Variants in RFX3 observed in about 807,000 individuals in gnomAD.
RFX3 encodes the protein regulatory factor X3.
A neutral mutation model predicts 98.6 loss-of-function variants in RFX3; 14 were observed. The ratio of observed to expected loss-of-function variants is 0.14; its 90% CI spans 0.09 to 0.22. The LOEUF (loss-of-function observed/expected upper bound fraction) is 0.22, where lower values mean the gene tolerates loss of function less well. Ranked by LOEUF, RFX3 falls within the 10% of genes least tolerant of loss-of-function variation. The probability of loss-of-function intolerance (pLI) is 1.00; values close to 1 mark genes in which losing one functional copy is unlikely to be tolerated. For missense variants in RFX3, 639 were observed against 926.9 expected (o/e 0.69, Z 4.03); for synonymous variants, 383 against 328.4 (o/e 1.17, Z -1.80).
chr9:3,432,227 A>C (rs1844718006), intron 1 of RFX3, among the ~76,000 whole-genome samples: 1 of 152,088 alleles, frequency 6.6e-6, no homozygotes, highest in Non-Finnish European at 1.5e-5. Context: ...TGCCCCAGTC[A>C]CCCAGAACCC....
intron 3 of RFX3, among the ~76,000 whole-genome samples, chr9:3,338,004 C>G (rs924287094): frequency 6.6e-6 from 1 of 152,092 alleles, no homozygotes; most frequent in South Asian, 2.1e-4. Flanking sequence ...AGTTTCAAAA[C>G]AGATATTCTC....
At chr9:3,249,690 G>C (rs930421707) in intron 14 of RFX3, among the ~76,000 whole-genome samples, 2 of 151,986 alleles carry the variant, frequency 1.3e-5, no homozygotes, top group African/African-American at 4.8e-5. Context: ...ATAAGCACGG[G>C]TTTGAAGTTA....
At chr9:3,489,452 T>C (rs977871750) in intron 1 of RFX3, 1 of 984,034 alleles carries the variant, frequency 1.0e-6, no homozygotes, top group Admixed American at 6.1e-5. Context: ...CTGCTGCATC[T>C]TCCTACATAA....
At chr9:3,320,954 T>TACA (rs1831227623) in intron 4 of RFX3, among the ~76,000 whole-genome samples, 1 of 151,140 alleles carries the variant, frequency 6.6e-6, no homozygotes, top group Non-Finnish European at 1.5e-5. Flanking sequence ...TAGGCTGGAG[T>TACA]ACAATGGCGT....
chr9:3,236,318 TCAAGGAAGTTGA>T (rs1482846610), intron 15 of RFX3, among the ~76,000 whole-genome samples: 1 of 152,172 alleles, frequency 6.6e-6, no homozygotes, highest in Non-Finnish European at 1.5e-5. Context: ...CTGAACGTTG[TCAAGGAAGTTGA>T]CAAGGAAGTC....
chr9:3,231,512 G>A (rs1299098849), intron 15 of RFX3, among the ~76,000 whole-genome samples: 1 of 152,168 alleles, frequency 6.6e-6, no homozygotes, highest in Non-Finnish European at 1.5e-5. Context: ...CAGGAGGTAA[G>A]TAGCAGACAT....
chr9:3,455,743 TTC>T (rs1847091886), intron 1 of RFX3, among the ~76,000 whole-genome samples: 1 of 152,228 alleles, frequency 6.6e-6, no homozygotes, highest in Non-Finnish European at 1.5e-5. Flanking sequence ...TAGGAAACCA[TTC>T]TGATTCTTCA....
chr9:3,457,816 A>G (rs960590914), intron 1 of RFX3, among the ~76,000 whole-genome samples: 4 of 152,046 alleles, frequency 2.6e-5, no homozygotes, highest in African/African-American at 9.7e-5. Flanking sequence ...CAATTCACCA[A>G]ACTAGAGTAA....
chr9:3,299,840 A>G (rs1206997481), intron 5 of RFX3, among the ~76,000 whole-genome samples: 4 of 151,782 alleles, frequency 2.6e-5, no homozygotes, highest in African/African-American at 9.7e-5. Context: ...TTATACTTCC[A>G]TTATTGTTCA....
At chr9:3,467,106 A>G (rs1253569744) in intron 1 of RFX3, among the ~76,000 whole-genome samples, 1 of 143,190 alleles carries the variant, frequency 7.0e-6, no homozygotes, top group African/African-American at 2.6e-5. Flanking sequence ...GTAAGTATAT[A>G]TGTATATACA....
intron 1 of RFX3, among the ~76,000 whole-genome samples, chr9:3,516,944 C>G (rs1818241936): frequency 6.6e-6 from 1 of 152,210 alleles, no homozygotes; most frequent in African/African-American, 2.4e-5. Flanking sequence ...CACTTGGCCA[C>G]CACTCTCTAC....
intron 15 of RFX3, among the ~76,000 whole-genome samples, chr9:3,243,376 A>G (rs1479359768): frequency 6.6e-6 from 1 of 151,334 alleles, no homozygotes; most frequent in Non-Finnish European, 1.5e-5. Flanking sequence ...ATAATTTACT[A>G]GGCAGTATTA....
intron 14 of RFX3, among the ~76,000 whole-genome samples, chr9:3,256,052 C>T (rs371229386): frequency 6.6e-6 from 1 of 151,984 alleles, no homozygotes; most frequent in Non-Finnish European, 1.5e-5. Flanking sequence ...CTGCAAGCTC[C>T]GCCTTCCGGG....
chr9:3,387,368 A>T (rs114549100), intron 2 of RFX3, among the ~76,000 whole-genome samples: 1,990 of 151,828 alleles, frequency 0.013, 48 homozygotes, highest in African/African-American at 0.046. Flanking sequence ...AACTCTGGAT[A>T]AAAAAAAATT....
intron 7 of RFX3, among the ~76,000 whole-genome samples, chr9:3,278,316 A>C (rs1296080576): frequency 6.6e-6 from 1 of 151,902 alleles, no homozygotes; most frequent in Non-Finnish European, 1.5e-5. Context: ...TTTTTCTCTG[A>C]TTCCACTTAT....
chr9:3,462,991 G>C (rs547082416), intron 1 of RFX3, among the ~76,000 whole-genome samples: 2 of 152,092 alleles, frequency 1.3e-5, no homozygotes, highest in Admixed American at 1.3e-4. Flanking sequence ...TAATTTTCTT[G>C]AAACAGATCT....
rs1825362567 is a variant in RFX3, at chr9:3,277,336, A to G, written c.973+4T>C. 3 of 1,612,184 alleles carry G rather than the reference A, an allele frequency of 1.9e-6. No individual in the cohort carries two copies. The highest frequency in any genetic ancestry group is 2.5e-6 in the Non-Finnish European group (3 of 1,178,718). On this transcript the variant is annotated splice_donor_region_variant and intron_variant, in intron 8 of 16. Coordinates refer to ENST00000617270, the MANE Select transcript of RFX3 (RefSeq NM_001282116.2). ...CAACTAATATGCATTACACCTTAAC[A>G]TACCTAAAAACTGTTGATGATGTTG...
At chr9:3,280,331 G>C (rs2131468305) in intron 7 of RFX3, among the ~76,000 whole-genome samples, 1 of 151,888 alleles carries the variant, frequency 6.6e-6, no homozygotes, top group South Asian at 2.1e-4. Flanking sequence ...GTATGAGAGA[G>C]CTTCCAGGTA....
At chr9:3,423,778 C>CATATATAT (rs61209874) in intron 1 of RFX3, among the ~76,000 whole-genome samples, 4,359 of 110,620 alleles carry the variant, frequency 0.039, 169 homozygotes, top group East Asian at 0.13. Context: ...TATATATTTT[C>CATATATAT]ATATATATAT....
Sources: gnomAD v4.1 joint callset for allele counts (sites outside exome capture counted in the v4.1 genomes callset) on GRCh38, gnomAD v4.1.1 for gene constraint, MANE v1.5 for transcripts, NCBI Gene and HGNC (gene_info 2026-07-23, HGNC 2026-07-21) for gene names.